The following MEIKIN variants were observed in gnomAD, a reference collection of about 807,000 sequenced individuals.
MEIKIN encodes the protein meiosis-specific kinetochore protein.
chr5:131,843,626 G>A (rs1414101144), intron 11 of MEIKIN, among the ~76,000 whole-genome samples: 2 of 152,206 alleles, frequency 1.3e-5, no homozygotes, highest in Admixed American at 6.5e-5. Context: ...CATAGCAAGA[G>A]TAACCTTTAC....
intron 8 of MEIKIN, among the ~76,000 whole-genome samples, chr5:131,881,748 C>T (rs1750705924): frequency 6.6e-6 from 1 of 152,136 alleles, no homozygotes; most frequent in Non-Finnish European, 1.5e-5. Context: ...GATCAAGATA[C>T]AAAATATTTC....
At chr5:131,936,785 G>A (rs1751785908) in intron 4 of MEIKIN, among the ~76,000 whole-genome samples, 1 of 151,916 alleles carries the variant, frequency 6.6e-6, no homozygotes, top group South Asian at 2.1e-4. Context: ...TAGTAGAGAT[G>A]GTCTCGAACT....
intron 4 of MEIKIN, among the ~76,000 whole-genome samples, chr5:131,942,374 T>C (rs1352536838): frequency 1.3e-5 from 2 of 152,266 alleles, no homozygotes; most frequent in African/African-American, 4.8e-5. Flanking sequence ...CTCATGGAAG[T>C]CTTCCCTAAT....
chr5:131,897,103 G>C (rs1418652050), intron 8 of MEIKIN, among the ~76,000 whole-genome samples: 1 of 152,046 alleles, frequency 6.6e-6, no homozygotes, highest in Non-Finnish European at 1.5e-5. Flanking sequence ...CTCAGCATTT[G>C]CTTGTCTGGA....
chr5:131,822,449 T>C lies in MEIKIN; in HGVS notation c.976-3586A>G, dbSNP rs543782840. On this transcript the variant is annotated intron_variant, in intron 11 of 12. Transcript: ENST00000442687. ...CTTCAATTTCTTGCTTTTTATTTTT[T>C]GTGTATCTGTTGTATATTTTTTGAT... Among the ~76,000 whole-genome samples the C allele has an allele frequency of 3.9e-5, 6 of 152,314 alleles. No individual in the cohort carries two copies. In the South Asian group the frequency reaches 1.2e-3, roughly 32 times the overall value.
chr5:131,856,035 CT>C (rs1275126953), intron 9 of MEIKIN, among the ~76,000 whole-genome samples: 2 of 152,080 alleles, frequency 1.3e-5, no homozygotes, highest in African/African-American at 4.8e-5. Context: ...CTTTCTTTCC[CT>C]TCTGGCTTAA....
intron 11 of MEIKIN, among the ~76,000 whole-genome samples, chr5:131,824,380 T>C (rs1580860076): frequency 6.7e-6 from 1 of 149,454 alleles, no homozygotes. Flanking sequence ...CTTAGCCAGG[T>C]GTGGTGGTCC....
chr5:131,855,826 A>G (rs577471504), intron 9 of MEIKIN, among the ~76,000 whole-genome samples: 1 of 152,350 alleles, frequency 6.6e-6, no homozygotes, highest in Admixed American at 6.5e-5. Context: ...CTAGGATAGC[A>G]AAAGCAAAGA....
chr5:131,944,768 C>A lies in MEIKIN; in HGVS notation c.201-16G>T, dbSNP rs569775583. On this transcript the variant is annotated splice_polypyrimidine_tract_variant and intron_variant, in intron 2 of 12. Transcript: ENST00000442687. ...TAAGCGAGGGCTAACAAAGAGACAA[C>A]GCAATTAGTTTGCACCATCTGGATT... 16 of 398,922 alleles carry A rather than the reference C, an allele frequency of 4.0e-5. No homozygotes were observed. The highest frequency in any genetic ancestry group is 4.4e-5 in the Admixed American group (1 of 22,712). 24.7% of individuals were successfully genotyped at this position (398,922 alleles called of 1,614,324 possible).
rs539144168 is a variant in MEIKIN at position 131,945,564 on chromosome 5, C to T, written c.-59G>A. On this transcript the variant is annotated 5_prime_UTR_variant, in exon 1 of 13. Transcript: ENST00000442687. ...CTCTGGACTCTCGATGGCCTGCCTT[C>T]CTGAGGATCAGGGCTAAGTCACAGG... 8.2e-5 allele frequency: 33 copies of T among 400,068 alleles called. No individual in the cohort carries two copies. Among genetic ancestry groups the T allele is most frequent in the Admixed American group, 1.3e-4 (3 of 22,740 alleles). The allele number at this position is 400,068 out of a possible 1,614,324, so 24.8% of individuals were successfully genotyped here.
At chr5:131,857,452 A>G (rs1750214602) in intron 9 of MEIKIN, among the ~76,000 whole-genome samples, 1 of 152,172 alleles carries the variant, frequency 6.6e-6, no homozygotes, top group Admixed American at 6.5e-5. Flanking sequence ...TAGGACCTGG[A>G]CAGAGTAGGG....
At chr5:131,923,148 A>G (rs1425871964) in intron 5 of MEIKIN, among the ~76,000 whole-genome samples, 1 of 152,200 alleles carries the variant, frequency 6.6e-6, no homozygotes, top group Non-Finnish European at 1.5e-5. Context: ...TCAGCCTCCC[A>G]AAGTGCTGTG....
chr5:131,943,194 T>G (rs188004199), intron 3 of MEIKIN, among the ~76,000 whole-genome samples: 1 of 152,062 alleles, frequency 6.6e-6, no homozygotes, highest in African/African-American at 2.4e-5. Flanking sequence ...GGCCAATAAT[T>G]TGAGAAAAAA....
chr5:131,913,241 T>G (rs1454736570), intron 7 of MEIKIN, among the ~76,000 whole-genome samples: 2 of 152,208 alleles, frequency 1.3e-5, no homozygotes, highest in African/African-American at 4.8e-5. Context: ...CTTCATCCTT[T>G]GCAGGAAGTC....
intron 7 of MEIKIN, among the ~76,000 whole-genome samples, chr5:131,915,598 A>G (rs901379537): frequency 6.6e-6 from 1 of 152,248 alleles, no homozygotes; most frequent in African/African-American, 2.4e-5. Flanking sequence ...GAAACTGCCC[A>G]GGCAGATAAA....
At chr5:131,885,050 C>T (rs1049527825) in intron 8 of MEIKIN, among the ~76,000 whole-genome samples, 1 of 152,162 alleles carries the variant, frequency 6.6e-6, no homozygotes, top group Non-Finnish European at 1.5e-5. Context: ...GGTTTTCACT[C>T]TAATTCCTGG....
chr5:131,812,984 G>A (rs912848340), intron 12 of MEIKIN, among the ~76,000 whole-genome samples: 4 of 152,196 alleles, frequency 2.6e-5, no homozygotes, highest in African/African-American at 7.2e-5. Flanking sequence ...TGCCTATCAT[G>A]AACTATGTGC....
rs1347111110 is a variant in MEIKIN at position 131,867,868 on chromosome 5, C to G, written c.774+11110G>C. On this transcript the variant is annotated intron_variant, in intron 9 of 12. Transcript: ENST00000442687. ...CATACTTTGTGTGGATACAATTTTT[C>G]AATTCATTTGCATAAACACTAAGGA... 2.0e-5 allele frequency among the ~76,000 whole-genome samples: 3 copies of G among 152,150 alleles called. No homozygotes were observed. The East Asian group carries it at 5.8e-4, about 29-fold the overall frequency.
chr5:131,857,502 T>C (rs1346716325), intron 9 of MEIKIN, among the ~76,000 whole-genome samples: 6 of 152,118 alleles, frequency 3.9e-5, no homozygotes, highest in African/African-American at 1.4e-4. Flanking sequence ...GATCTGAGTG[T>C]CCTCATCTGC....
Sources: gnomAD v4.1 joint callset for allele counts (sites outside exome capture counted in the v4.1 genomes callset) on GRCh38, gnomAD v4.1.1 for gene constraint, MANE v1.5 for transcripts, NCBI Gene and HGNC (gene_info 2026-07-23, HGNC 2026-07-21) for gene names.